Variants in DENND2B observed in about 807,000 individuals in gnomAD.
The protein encoded by DENND2B is DENN domain-containing protein 2B.
Under a neutral mutation model 116.0 loss-of-function variants are expected in DENND2B, and 32 were observed. The ratio of observed to expected loss-of-function variants is 0.28; its 90% CI spans 0.21 to 0.37. DENND2B has a LOEUF of 0.37. Ranked by LOEUF, DENND2B falls within the 10% of genes least tolerant of loss-of-function variation. The pLI is 1.00. For missense variants in DENND2B, 1,276 were observed against 1,477.7 expected (o/e 0.86, Z 2.24); for synonymous variants, 588 against 583.9 (o/e 1.01, Z -0.10).
intron 1 of DENND2B, among the ~76,000 whole-genome samples, chr11:8,752,792 G>C (rs1002178227): frequency 2.0e-5 from 3 of 151,976 alleles, no homozygotes; most frequent in African/African-American, 7.3e-5. Flanking sequence ...AAATTTAAGG[G>C]TACATTTGGG....
At chr11:8,708,279 T>G (rs1469725634) in intron 11 of DENND2B, 1 of 985,348 alleles carries the variant, frequency 1.0e-6, no homozygotes, top group African/African-American at 1.7e-5. Context: ...TAGGGCACAT[T>G]CGGCATACCA....
chr11:8,827,885 T>C (rs924131110), intron 4 of DENND2B, among the ~76,000 whole-genome samples: 1 of 152,142 alleles, frequency 6.6e-6, no homozygotes, highest in Non-Finnish European at 1.5e-5. Context: ...AAAATAACAA[T>C]TTGCCAGCCA....
chr11:8,758,148 C>T (rs1035630378), intron 1 of DENND2B, among the ~76,000 whole-genome samples: 1 of 152,184 alleles, frequency 6.6e-6, no homozygotes. Flanking sequence ...AGCTTATATG[C>T]CCTTAAGTGC....
intron 1 of DENND2B, among the ~76,000 whole-genome samples, chr11:8,756,625 G>T (rs1452519736): frequency 6.6e-6 from 1 of 152,160 alleles, no homozygotes; most frequent in Non-Finnish European, 1.5e-5. Context: ...AGAATAATTT[G>T]GGACTTGAGG....
intron 2 of DENND2B, among the ~76,000 whole-genome samples, chr11:8,743,050 G>T (rs900914654): frequency 7.9e-5 from 12 of 151,466 alleles, no homozygotes; most frequent in Non-Finnish European, 1.2e-4. Context: ...GGCAACAAGA[G>T]CGAAACTCCA....
At chr11:8,769,396 G>A (rs1392056758) in intron 1 of DENND2B, among the ~76,000 whole-genome samples, 1 of 151,782 alleles carries the variant, frequency 6.6e-6, no homozygotes, top group Non-Finnish European at 1.5e-5. Flanking sequence ...CATGCCTCAG[G>A]TATGGGAGGC....
In DENND2B at chr11:8,707,883, G is replaced by GAGAC. The variant is rs1565659920; in HGVS notation, c.2353-33_2353-30dup. On this transcript the variant is annotated intron_variant, in intron 11 of 19. Transcript: ENST00000313726. The surrounding 1 kb of genome is among the most constrained non-coding windows in gnomAD (Gnocchi z 4.8). The stretch of plus-strand genomic sequence containing the variant: ...GGCCAGGACAAGGAGGAGGAGGAGA[G>GAGAC]AGACAGACACAGAGAATGCATGATT... 1.9e-6 allele frequency: 3 copies of GAGAC among 1,593,584 alleles called. No homozygotes were observed. In the South Asian group the frequency reaches 3.4e-5, roughly 18 times the overall value.
rs569875790 is a variant in DENND2B, at chr11:8,838,451, G to T, written c.-115+859C>A. On this transcript the variant is annotated intron_variant, in intron 4 of 6. Transcript: ENST00000524757. ...CACCTCCGTTATAGGAGAAACATCT[G>T]CCCTACAGCACCACGACCAAGAATC... 6.8e-4 allele frequency among the ~76,000 whole-genome samples: 103 copies of T among 152,294 alleles called. 2 individuals carry two copies. In the South Asian group the frequency reaches 0.021, roughly 31 times the overall value.
At chr11:8,883,401 G>T (rs2063923259) in intron 1 of DENND2B, among the ~76,000 whole-genome samples, 1 of 152,210 alleles carries the variant, frequency 6.6e-6, no homozygotes, top group Non-Finnish European at 1.5e-5. Context: ...GCTGAATGAA[G>T]AATGTTCATT....
intron 3 of DENND2B, among the ~76,000 whole-genome samples, chr11:8,843,110 G>A (rs142341171): frequency 0.02 from 3,064 of 151,984 alleles, 37 homozygotes; most frequent in Middle Eastern, 0.034. Context: ...TCCGCCTCCC[G>A]GGTTCAAGCA....
chr11:8,697,396 G>A (rs1487567733), intron 17 of DENND2B, 129 bp downstream of exon 17: 2 of 685,352 alleles, frequency 2.9e-6, no homozygotes, highest in East Asian at 2.6e-5. Context: ...AGACGCTAGA[G>A]TGAGACCAAG....
chr11:8,852,315 C>T (rs1237080599), intron 3 of DENND2B, among the ~76,000 whole-genome samples: 1 of 152,052 alleles, frequency 6.6e-6, no homozygotes, highest in African/African-American at 2.4e-5. Context: ...AAAGAGCTTT[C>T]GTGGTTCATT....
In DENND2B at chr11:8,718,296, G is replaced by A. The variant is rs1035558535; in HGVS notation, c.1478-404C>T. The A allele has an allele frequency of 6.0e-5, 83 of 1,392,910 alleles. 1 individual carries two copies. In the South Asian group the frequency reaches 9.5e-4, roughly 16 times the overall value. 86.3% of individuals were successfully genotyped at this position (1,392,910 alleles called of 1,614,324 possible). Reference sequence around the variant, plus strand: ...GAGATAACACAGTTCAAGGTAGGAAGGGTTTTCAGGTCACATGGCTGTCCC... The same window carrying A: ...GAGATAACACAGTTCAAGGTAGGAAAGGTTTTCAGGTCACATGGCTGTCCC... On this transcript the variant is annotated intron_variant, in intron 4 of 19. Coordinates refer to ENST00000313726, the MANE Select transcript of DENND2B (RefSeq NM_213618.2).
intron 1 of DENND2B, among the ~76,000 whole-genome samples, chr11:8,764,567 G>T (rs942397424): frequency 4.6e-5 from 7 of 152,214 alleles, no homozygotes; most frequent in Non-Finnish European, 7.3e-5. Flanking sequence ...TGAGGCTCTA[G>T]AAGTGATACC....
At position 8,839,797 on chromosome 11, in the gene DENND2B, C is replaced by G. The variant is rs1594191621; in HGVS notation, c.-155-447G>C. Among the ~76,000 whole-genome samples the G allele has an allele frequency of 1.3e-5, 2 of 152,186 alleles. 1 individual carries two copies. Among genetic ancestry groups the G allele is most frequent in the African/African-American group, 4.8e-5 (2 of 41,438 alleles). ...CCTCAGCTCAAGAAGCACCCAGGAG[C>G]AGACCAGACTCTGGGTTGGGAACAC... On this transcript the variant is annotated intron_variant, in intron 3 of 6. Transcript: ENST00000524757.
intron 3 of DENND2B, among the ~76,000 whole-genome samples, chr11:8,851,231 G>A (rs1353875286): frequency 6.6e-6 from 1 of 151,960 alleles, no homozygotes; most frequent in Non-Finnish European, 1.5e-5. Context: ...GTATGTTAAT[G>A]AGCATGACTT....
intron 1 of DENND2B, among the ~76,000 whole-genome samples, chr11:8,895,752 TG>T (rs1191479514): frequency 6.6e-6 from 1 of 152,198 alleles, no homozygotes; most frequent in Non-Finnish European, 1.5e-5. Flanking sequence ...TTTTATTTTG[TG>T]TGTTTTTTTA....
In DENND2B at chr11:8,712,859, C is replaced by A. The variant is rs1052175169; in HGVS notation, c.1988-124G>T. The A allele has an allele frequency of 3.2e-5, 32 of 1,011,702 alleles. No homozygotes were observed. Among genetic ancestry groups the A allele is most frequent in the Non-Finnish European group, 4.4e-5 (31 of 712,126 alleles). 62.7% of individuals were successfully genotyped at this position (1,011,702 alleles called of 1,614,324 possible). On this transcript the variant is annotated intron_variant, in intron 8 of 19. Transcript: ENST00000313726. This position sits in a 1 kb window ranked among gnomAD's most constrained non-coding sequence, Gnocchi z 4.4. ...GTACGTGAGCCTAGTCTGATACCAT[C>A]CCCAGCTCACAGTGCAGGAGGACCG...
Position 8,783,008 on chromosome 11 carries a change from A to G in DENND2B, c.-26+27509T>C, listed in dbSNP as rs144737345. Among the ~76,000 whole-genome samples the G allele has an allele frequency of 1.7e-3, 258 of 151,452 alleles. 2 individuals are homozygous for G. The highest frequency in any genetic ancestry group is 5.0e-3 in the South Asian group (24 of 4,788). On this transcript the variant is annotated intron_variant, in intron 1 of 19. Transcript: ENST00000313726. Reference sequence around the variant, plus strand: ...CTATCCTGAAGTTATACAAGTAGGCACAGCTATACAGATATGTAGATATTT... The same window carrying G: ...CTATCCTGAAGTTATACAAGTAGGCGCAGCTATACAGATATGTAGATATTT...
Sources: gnomAD v4.1 joint callset for allele counts (sites outside exome capture counted in the v4.1 genomes callset) on GRCh38, gnomAD v4.1.1 for gene constraint, Gnocchi (gnomAD v3.1) non-coding constraint, MANE v1.5 for transcripts, NCBI Gene and HGNC (gene_info 2026-07-23, HGNC 2026-07-21) for gene names.